Variants in SHISA9 observed in about 807,000 individuals in gnomAD.
The protein encoded by SHISA9 is protein shisa-9.
In SHISA9, 13 loss-of-function variants were observed where a neutral mutation model predicts 38.0. That is an observed-to-expected ratio of 0.34 (90% confidence interval 0.22 to 0.54). SHISA9 has a LOEUF of 0.54. SHISA9 is among the 20% of genes least tolerant of loss of function. The pLI is 0.91. For synonymous variants in SHISA9, 275 were observed against 242.0 expected (o/e 1.14, Z -1.27); for missense variants, 538 against 575.8 (o/e 0.93, Z 0.67).
At chr16:13,295,604 C>T in the SHISA9 span, among the ~76,000 whole-genome samples, 12 of 152,158 alleles carry the variant, frequency 7.9e-5, no homozygotes, top group African/African-American at 2.4e-4. Flanking sequence ...GCTCGAAAGG[C>T]CAGCTGGGGT....
At chr16:13,441,708 A>C in the SHISA9 span, among the ~76,000 whole-genome samples, 1 of 151,956 alleles carries the variant, frequency 6.6e-6, no homozygotes, top group Non-Finnish European at 1.5e-5. Flanking sequence ...AATGAACCCT[A>C]TGTCTCATTC....
intron 2 of SHISA9, among the ~76,000 whole-genome samples, chr16:13,065,809 A>G (rs1057021770): frequency 2.0e-5 from 3 of 152,138 alleles, no homozygotes; most frequent in Non-Finnish European, 4.4e-5. Context: ...TGTCAGGATG[A>G]CTCTGCAGGT....
the SHISA9 span, among the ~76,000 whole-genome samples, chr16:13,336,054 G>C: frequency 6.6e-6 from 1 of 152,128 alleles, no homozygotes; most frequent in African/African-American, 2.4e-5. Flanking sequence ...GTTAAATACT[G>C]AAGGGATGGG....
Position 12,977,242 on chromosome 16 carries a change from T to G in SHISA9, c.691+60427T>G, listed in dbSNP as rs137880511. Among the ~76,000 whole-genome samples the G allele has an allele frequency of 2.4e-3, 369 of 152,156 alleles. 1 individual carries two copies. The highest frequency in any genetic ancestry group is 8.7e-3 in the African/African-American group (360 of 41,508). Reference sequence around the variant, plus strand: ...ATAGTAGGCACTGGGGTTGCGTAAATGAAAGAAATGGCCCTTGCTCTCAGG... The same window carrying G: ...ATAGTAGGCACTGGGGTTGCGTAAAGGAAAGAAATGGCCCTTGCTCTCAGG... On this transcript the variant is annotated intron_variant, in intron 2 of 4. Transcript: ENST00000558583.
chr16:13,227,221 G>C (rs2051287967), intron 4 of SHISA9, among the ~76,000 whole-genome samples: 1 of 152,222 alleles, frequency 6.6e-6, no homozygotes, highest in African/African-American at 2.4e-5. Flanking sequence ...ATGACTAAAT[G>C]ATTGAACAAA....
intron 2 of SHISA9, among the ~76,000 whole-genome samples, chr16:13,116,286 A>G (rs1264627896): frequency 6.6e-6 from 1 of 152,198 alleles, no homozygotes; most frequent in Non-Finnish European, 1.5e-5. Context: ...ATGATACAGC[A>G]TGAAGATGTC....
intron 2 of SHISA9, among the ~76,000 whole-genome samples, chr16:13,131,133 A>G (rs1013789938): frequency 3.9e-5 from 6 of 152,158 alleles, no homozygotes; most frequent in African/African-American, 1.4e-4. Context: ...CCAAAGGAAT[A>G]TGTCATTCTA....
chr16:12,940,734 A>G (rs928305864), intron 2 of SHISA9, among the ~76,000 whole-genome samples: 2 of 152,200 alleles, frequency 1.3e-5, no homozygotes, highest in African/African-American at 4.8e-5. Flanking sequence ...TGTTTCCAAC[A>G]TATGCATTCA....
At chr16:13,426,545 A>G in the SHISA9 span, among the ~76,000 whole-genome samples, 1 of 152,172 alleles carries the variant, frequency 6.6e-6, no homozygotes, top group Non-Finnish European at 1.5e-5. Context: ...GCCACAGAGA[A>G]TCTTGACATT....
intron 2 of SHISA9, among the ~76,000 whole-genome samples, chr16:13,180,722 T>C (rs1275784752): frequency 6.6e-6 from 1 of 151,934 alleles, no homozygotes; most frequent in Non-Finnish European, 1.5e-5. Context: ...AACAAACTGA[T>C]CAAATGAGAT....
At chr16:13,432,862 GA>G in the SHISA9 span, among the ~76,000 whole-genome samples, 3 of 152,112 alleles carry the variant, frequency 2.0e-5, no homozygotes, top group Admixed American at 2.0e-4. Context: ...GGAGCTAAAT[GA>G]TGAGAACACA....
At chr16:13,445,059 G>C in the SHISA9 span, among the ~76,000 whole-genome samples, 2 of 145,436 alleles carry the variant, frequency 1.4e-5, no homozygotes, top group Non-Finnish European at 3.0e-5. Context: ...CAGGGGTCTT[G>C]TCTTGTTGCC....
intron 2 of SHISA9, among the ~76,000 whole-genome samples, chr16:12,925,473 G>GTGTGTGTGTGTGTGTGTGTGTTTA (rs113968316): frequency 6.6e-6 from 1 of 150,490 alleles, no homozygotes; most frequent in African/African-American, 2.4e-5. Context: ...GTGTGTGTGT[G>GTGTGTGTGTGTGTGTGTGTGTTTA]CAAGCAACAG....
chr16:12,970,407 A>ATGTG (rs2072052379), intron 2 of SHISA9, among the ~76,000 whole-genome samples: 2 of 14,952 alleles, frequency 1.3e-4, no homozygotes, highest in Non-Finnish European at 2.6e-4. Context: ...ATATATACAT[A>ATGTG]TATATATATA....
the SHISA9 span, among the ~76,000 whole-genome samples, chr16:13,452,375 T>C: frequency 1.2e-3 from 188 of 152,336 alleles, no homozygotes; most frequent in African/African-American, 4.3e-3. Flanking sequence ...ATTCCAGCCA[T>C]TATTTCCAGT....
At chr16:13,026,211 A>G (rs1023329258) in intron 2 of SHISA9, among the ~76,000 whole-genome samples, 1 of 148,062 alleles carries the variant, frequency 6.8e-6, no homozygotes, top group African/African-American at 2.5e-5. Context: ...ATTTTTGCCC[A>G]TTGATTAGCA....
At chr16:13,204,770 G>C (rs146192800) in intron 3 of SHISA9, 2 of 152,314 alleles carry the variant, frequency 1.3e-5, no homozygotes, top group African/African-American at 4.8e-5. Flanking sequence ...TACCAGATTA[G>C]AAAACTGAGA....
In SHISA9 at chr16:13,019,884, C is replaced by CTCCTTTCTTTCT. The variant is rs1567184073; in HGVS notation, c.691+103070_691+103071insCCTTTCTTTCTT. ...CCTCCCTCCCTCCCTCCCTCCCTCC[C>CTCCTTTCTTTCT]TTCTTTCTTTCTTTCTTTCTTTCTT... On this transcript the variant is annotated intron_variant, in intron 2 of 4. Coordinates refer to ENST00000558583, the MANE Select transcript of SHISA9 (RefSeq NM_001145204.3). Among the ~76,000 whole-genome samples the CTCCTTTCTTTCT allele has an allele frequency of 5.7e-4, 12 of 20,918 alleles. 1 individual carries two copies. The highest frequency in any genetic ancestry group is 3.2e-3 in the East Asian group (2 of 624). 13.7% of individuals were successfully genotyped at this position (20,918 alleles called of 152,430 possible).
the SHISA9 span, among the ~76,000 whole-genome samples, chr16:13,440,169 A>G: frequency 4.3e-3 from 654 of 152,270 alleles, 4 homozygotes; most frequent in African/African-American, 0.015. Flanking sequence ...TGGTTTCTTA[A>G]TGGTATGTGG....
Sources: allele counts gnomAD v4.1 joint callset (sites outside exome capture counted in the v4.1 genomes callset), GRCh38; gene constraint gnomAD v4.1.1; transcripts MANE v1.5; gene names NCBI Gene and HGNC (gene_info 2026-07-23, HGNC 2026-07-21).